The following HMCN2 variants were observed in gnomAD, a reference collection of about 807,000 sequenced individuals.
The protein encoded by HMCN2 is hemicentin-2.
HMCN2 carries 325 observed loss-of-function variants against 377.5 expected under a neutral mutation model. The observed-to-expected ratio is 0.86, with a 90% CI of 0.79 to 0.94. HMCN2 has a LOEUF of 0.94. HMCN2 is among the 40% of genes least tolerant of loss of function. The probability of loss-of-function intolerance (pLI) is 0.00; values close to 1 mark genes in which losing one functional copy is unlikely to be tolerated. For synonymous variants in HMCN2, 2,007 were observed against 2,046.8 expected (o/e 0.98, Z 0.53); for missense variants, 4,543 against 4,725.3 (o/e 0.96, Z 1.13).
intron 86 of HMCN2, among the ~76,000 whole-genome samples, chr9:130,421,478 G>A (rs1844008096): frequency 6.6e-6 from 1 of 152,140 alleles, no homozygotes; most frequent in South Asian, 2.1e-4. Context: ...TCCTGGCCTT[G>A]TAGGGGGACA....
intron 53 of HMCN2, among the ~76,000 whole-genome samples, chr9:130,378,267 G>A (rs1564833606): frequency 6.7e-6 from 1 of 149,284 alleles, no homozygotes; most frequent in Admixed American, 6.8e-5. Context: ...GGAAAGGAGG[G>A]AGCCGGGAGT....
intron 35 of HMCN2, 172 bp from the exon 36 acceptor site, chr9:130,358,218 C>G (rs1007243771): frequency 1.8e-6 from 1 of 542,300 alleles, no homozygotes. Context: ...GCCTGGAGAT[C>G]GGACGAATCC....
intron 75 of HMCN2, 94 bp downstream of exon 75, chr9:130,398,801 T>C (rs1588395159): frequency 9.1e-7 from 1 of 1,097,166 alleles, no homozygotes; most frequent in South Asian, 1.5e-5. Flanking sequence ...CGGGGCGGGG[T>C]GTGCTCAGGT....
intron 22 of HMCN2, among the ~76,000 whole-genome samples, chr9:130,333,296 C>A (rs1772624108): frequency 2.0e-5 from 3 of 152,258 alleles, no homozygotes; most frequent in Non-Finnish European, 2.9e-5. Context: ...TTGCCTGGGG[C>A]AGCAGGGAAG....
At chr9:130,427,224 T>C in intron 90 of HMCN2, 89 bp from the exon 91 acceptor site, 1 of 1,353,812 alleles carries the variant, frequency 7.4e-7, no homozygotes, top group South Asian at 1.3e-5. Flanking sequence ...AAGCTGGCAG[T>C]GGGGGAGCTG....
chr9:130,403,176 C>T lies in HMCN2; in HGVS notation c.11879-18C>T, dbSNP rs1431674809. 1.1e-5 allele frequency: 14 copies of T among 1,285,254 alleles called. No homozygotes were observed. Among genetic ancestry groups the T allele is most frequent in the Non-Finnish European group, 1.3e-5 (13 of 985,966 alleles). 79.6% of individuals were successfully genotyped at this position (1,285,254 alleles called of 1,614,324 possible). A position where few individuals can be genotyped will look rare whatever the true frequency, so the allele number is the denominator to read the frequency against. ...TTAAGGACATTCTCAGGGCCCTCTGCACCCCCGTCCTTTGTAGCCTCCCCG... is the reference window on the plus strand; with the variant it reads ...TTAAGGACATTCTCAGGGCCCTCTGTACCCCCGTCCTTTGTAGCCTCCCCG... On this transcript the variant is annotated intron_variant, in intron 78 of 97. Transcript: ENST00000683500.
intron 86 of HMCN2, among the ~76,000 whole-genome samples, chr9:130,421,418 C>T (rs1217084671): frequency 6.6e-6 from 1 of 152,138 alleles, no homozygotes; most frequent in Non-Finnish European, 1.5e-5. Flanking sequence ...CCTGTTTTCC[C>T]TCCTGAAAAC....
Position 130,410,661 on chromosome 9 carries a change from C to A in HMCN2, c.12961+9C>A. On this transcript the variant is annotated intron_variant, in intron 85 of 97. Coordinates refer to ENST00000683500, the MANE Select transcript of HMCN2 (RefSeq NM_001291815.2). ...GATCCTCGTCCTGCAGAGTGAGTCT[C>A]GGCCTCAGCAGAGTGGGGACGTGGG... 6.4e-7 allele frequency: 1 copy of A among 1,550,392 alleles called. No individual in the cohort carries two copies. The highest frequency in any genetic ancestry group is 1.2e-5 in the South Asian group (1 of 84,058).
intron 49 of HMCN2, among the ~76,000 whole-genome samples, chr9:130,375,232 T>A (rs1016621158): frequency 1.6e-4 from 24 of 152,204 alleles, no homozygotes; most frequent in African/African-American, 5.8e-4. Flanking sequence ...AGCCCCCAAC[T>A]CCCACTCCCC....
chr9:130,346,196 A>G (rs1257403507), intron 25 of HMCN2, among the ~76,000 whole-genome samples: 1 of 152,058 alleles, frequency 6.6e-6, no homozygotes, highest in Non-Finnish European at 1.5e-5. Flanking sequence ...TAGGGCCAGG[A>G]TGGCAGCAGC....
At position 130,413,480 on chromosome 9, in the gene HMCN2, GA is replaced by G. The variant is rs537411435; in HGVS notation, c.12961+2829del. Among the ~76,000 whole-genome samples the G allele has an allele frequency of 3.5e-3, 534 of 152,312 alleles. 1 individual carries two copies. Among genetic ancestry groups the G allele is most frequent in the African/African-American group, 0.012 (515 of 41,558 alleles). Reference sequence around the variant, plus strand: ...ATGCATGGAATAGGTTTGTGGTCCAGACAAGATGGTATAGATGCACTTCTCC... The same window carrying G: ...ATGCATGGAATAGGTTTGTGGTCCAGCAAGATGGTATAGATGCACTTCTCC... On this transcript the variant is annotated intron_variant, in intron 85 of 97. Coordinates refer to ENST00000683500, the MANE Select transcript of HMCN2 (RefSeq NM_001291815.2).
At chr9:130,305,300 C>T (rs1339310122) in intron 11 of HMCN2, among the ~76,000 whole-genome samples, 1 of 152,140 alleles carries the variant, frequency 6.6e-6, no homozygotes, top group Non-Finnish European at 1.5e-5. Context: ...CTCCATTGTT[C>T]CCCACTCCCC....
chr9:130,304,862 C>A lies in HMCN2; in HGVS notation c.1676C>A (p.Ala559Asp), dbSNP rs1004138392. The A allele has an allele frequency of 2.1e-6, 1 of 471,150 alleles. No individual in the cohort carries two copies. Among genetic ancestry groups the A allele is most frequent in the Admixed American group, 2.3e-5 (1 of 42,590 alleles). 29.2% of individuals were successfully genotyped at this position (471,150 alleles called of 1,614,324 possible). Residue 559 changes from alanine (A) to aspartate (D), a missense_variant, in exon 11 of 98, where the codon GCC becomes GAC. Physicochemically the swap from Ala to Asp is moderately radical, Grantham distance 126. Around this residue, in one of 5 missense-constraint regions of HMCN2, gnomAD observed 547 missense variants for 189.9 expected, o/e 2.88. Transcript: ENST00000683500. This position sits in a 1 kb window ranked among gnomAD's most constrained non-coding sequence, Gnocchi z 4.3. Reference protein sequence around the residue: ...TWVRDWRVLPASTGRVAQLAD... With the variant: ...TWVRDWRVLPDSTGRVAQLAD... ...GTCCGGGACTGGCGAGTCCTGCCGG[C>A]CTCGACGGGCCGAGTTGCCCAGCTG...
Position 130,393,695 on chromosome 9 carries a change from G to C in HMCN2, c.10235-47G>C, listed in dbSNP as rs150876917. 6 of 1,204,394 alleles carry C rather than the reference G, an allele frequency of 5.0e-6. No individual in the cohort carries two copies. Among genetic ancestry groups the C allele is most frequent in the Middle Eastern group, 2.3e-4 (1 of 4,258 alleles). The allele number at this position is 1,204,394 out of a possible 1,614,324, so 74.6% of individuals were successfully genotyped here. On this transcript the variant is annotated intron_variant, in intron 67 of 97. Transcript: ENST00000683500. This position sits in a 1 kb window ranked among gnomAD's most constrained non-coding sequence, Gnocchi z 5.2. ...TGTCTAAGCTGAGTACTGGAGATGA[G>C]AGTCCTGGAATAAAATGGTTCCTGC...
intron 15 of HMCN2, among the ~76,000 whole-genome samples, chr9:130,311,750 G>C (rs1234296424): frequency 6.6e-6 from 1 of 152,218 alleles, no homozygotes; most frequent in Non-Finnish European, 1.5e-5. Context: ...AAGTGAGGCA[G>C]AGAGAGGGTG....
chr9:130,433,967 C>CA lies in HMCN2; in HGVS notation c.*274_*275insA. 2.7e-6 allele frequency: 1 copy of CA among 375,844 alleles called. No individual in the cohort carries two copies. Among genetic ancestry groups the CA allele is most frequent in the Non-Finnish European group, 4.7e-6 (1 of 211,724 alleles). The allele number at this position is 375,844 out of a possible 1,614,324, so 23.3% of individuals were successfully genotyped here. ...CCGGATCAGACCTCCAGGTCTGATCCGCCCCTCAGTGGGAGCGGGACAGGG... is the reference window on the plus strand; with the variant it reads ...CCGGATCAGACCTCCAGGTCTGATCCAGCCCCTCAGTGGGAGCGGGACAGGG... On this transcript the variant is annotated 3_prime_UTR_variant, in exon 98 of 98. Coordinates refer to ENST00000683500, the MANE Select transcript of HMCN2 (RefSeq NM_001291815.2).
Position 130,349,669 on chromosome 9 carries a change from T to C in HMCN2, c.4430+6T>C. On this transcript the variant is annotated splice_donor_region_variant and intron_variant, in intron 29 of 97. Transcript: ENST00000683500. Reference sequence around the variant, plus strand: ...GAGTGGACCAAGGACAGGCAGTGAGTGCCCCCCTCCCCGAGGATGGCGTGT... The same window carrying C: ...GAGTGGACCAAGGACAGGCAGTGAGCGCCCCCCTCCCCGAGGATGGCGTGT... The C allele has an allele frequency of 7.7e-7, 1 of 1,300,834 alleles. No individual in the cohort carries two copies. The allele number at this position is 1,300,834 out of a possible 1,614,324, so 80.6% of individuals were successfully genotyped here.
intron 15 of HMCN2, among the ~76,000 whole-genome samples, chr9:130,317,467 ATCTCTCTCTCTCTC>A (rs1177875902): frequency 0.017 from 2,129 of 123,440 alleles, 62 homozygotes; most frequent in African/African-American, 0.06. Context: ...AGACCCCACC[ATCTCTCTCTCTCTC>A]TCTCTCTCTC....
chr9:130,425,251 G>T, intron 89 of HMCN2, 121 bp downstream of exon 89: 1 of 1,167,618 alleles, frequency 8.6e-7, no homozygotes, highest in African/African-American at 1.5e-5. Context: ...GCAGGGCTGG[G>T]TCACAGTCTA....
Sources: gnomAD v4.1 joint callset for allele counts (sites outside exome capture counted in the v4.1 genomes callset) on GRCh38, gnomAD v4.1.1 for gene constraint, gnomAD v4.1.1 regional missense constraint, Gnocchi (gnomAD v3.1) non-coding constraint, MANE v1.5 for transcripts, NCBI Gene and HGNC (gene_info 2026-07-23, HGNC 2026-07-21) for gene names.